The following TPTE2 variants were observed in gnomAD, a reference collection of about 807,000 sequenced individuals.
TPTE2 encodes the protein transmembrane phosphoinositide 3-phosphatase and tensin homolog 2.
Under a neutral mutation model 78.6 loss-of-function variants are expected in TPTE2, and 53 were observed. That is an observed-to-expected ratio of 0.67 (90% CI 0.54 to 0.85). TPTE2 has a LOEUF of 0.85. TPTE2 is among the 40% of genes least tolerant of loss of function. The pLI, the probability that TPTE2 is intolerant of heterozygous loss-of-function variation, is 0.00. For synonymous variants in TPTE2, 175 were observed against 206.2 expected (o/e 0.85, Z 1.30); for missense variants, 461 against 623.0 (o/e 0.74, Z 2.77).
At chr13:19,525,635 T>C (rs1870450951) in intron 1 of TPTE2, among the ~76,000 whole-genome samples, 3 of 152,256 alleles carry the variant, frequency 2.0e-5, no homozygotes, top group South Asian at 4.1e-4. Flanking sequence ...CATAGGACCT[T>C]ATGAAGATTT....
At chr13:19,442,670 T>C (rs949486063) in intron 13 of TPTE2, among the ~76,000 whole-genome samples, 1 of 151,942 alleles carries the variant, frequency 6.6e-6, no homozygotes, top group African/African-American at 2.4e-5. Context: ...CTGGTGAGAC[T>C]AATCAAAAGA....
At chr13:19,560,882 C>T in the TPTE2 span, 6 of 1,572,020 alleles carry the variant, frequency 3.8e-6, no homozygotes, top group African/African-American at 4.1e-5. Flanking sequence ...CTTGCGTCTC[C>T]GCTTGGTGAT....
At chr13:19,482,251 T>C (rs1382523178) in intron 4 of TPTE2, among the ~76,000 whole-genome samples, 1 of 152,116 alleles carries the variant, frequency 6.6e-6, no homozygotes, top group Non-Finnish European at 1.5e-5. Flanking sequence ...CCTCTAAGAA[T>C]ACTTTTTACA....
At chr13:19,516,809 C>T (rs548052577) in intron 1 of TPTE2, among the ~76,000 whole-genome samples, 27 of 152,174 alleles carry the variant, frequency 1.8e-4, no homozygotes, top group Admixed American at 5.2e-4. Flanking sequence ...CCTAAAATGT[C>T]GTATTTTTAA....
At chr13:19,435,791 C>T (rs183853858) in intron 15 of TPTE2, among the ~76,000 whole-genome samples, 178 of 150,996 alleles carry the variant, frequency 1.2e-3, no homozygotes, top group Admixed American at 2.5e-3. Context: ...CACACACACA[C>T]ACCAGGAGTC....
chr13:19,560,800 A>G, the TPTE2 span: 1 of 1,483,086 alleles, frequency 6.7e-7, no homozygotes, highest in Non-Finnish European at 9.2e-7. Context: ...CACCGCTTGT[A>G]CTCCCGCCCA....
chr13:19,543,651 T>C, the TPTE2 span, among the ~76,000 whole-genome samples: 121,624 of 152,116 alleles, frequency 0.8, 49,808 homozygotes, highest in East Asian at 0.96. Context: ...CCACCACGCC[T>C]GGCCACTAAT....
chr13:19,446,450 T>C (rs1877841424), intron 13 of TPTE2, among the ~76,000 whole-genome samples: 1 of 152,088 alleles, frequency 6.6e-6, no homozygotes, highest in Admixed American at 6.6e-5. Context: ...CAATTGGCTA[T>C]CTATATGAAA....
At chr13:19,492,942 C>G in intron 2 of TPTE2, 39 bp from the exon 6 acceptor site, 3 of 1,608,790 alleles carry the variant, frequency 1.9e-6, no homozygotes, top group African/African-American at 2.8e-5. Flanking sequence ...ATAGGAGACA[C>G]GATTCTAAAT....
At chr13:19,474,674 A>G (rs1758923271) in intron 5 of TPTE2, among the ~76,000 whole-genome samples, 1 of 152,238 alleles carries the variant, frequency 6.6e-6, no homozygotes. Context: ...TTGCTGTTAC[A>G]TATTCCAAAT....
chr13:19,474,518 A>G (rs562922865), intron 5 of TPTE2, among the ~76,000 whole-genome samples: 1 of 152,340 alleles, frequency 6.6e-6, no homozygotes, highest in African/African-American at 2.4e-5. Context: ...ATAAAAACCA[A>G]ATGAAAGCAT....
At chr13:19,449,266 C>A (rs1165858509) in intron 13 of TPTE2, among the ~76,000 whole-genome samples, 1 of 152,100 alleles carries the variant, frequency 6.6e-6, no homozygotes, top group African/African-American at 2.4e-5. Flanking sequence ...CTCTGCCTCC[C>A]AGGTTCAAGC....
Position 19,445,835 on chromosome 13 carries a change from G to A in TPTE2, c.973+4241C>T, listed in dbSNP as rs573415026. On this transcript the variant is annotated intron_variant, in intron 13 of 19. Coordinates refer to ENST00000400230, the Ensembl canonical transcript of TPTE2. The stretch of plus-strand genomic sequence containing the variant: ...GGACGCCTGTAATCCCAGTTACTCC[G>A]GAGGCTCAGACATGAGAATTGCTTG... Among the ~76,000 whole-genome samples the A allele has an allele frequency of 4.6e-5, 7 of 152,290 alleles. No homozygotes were observed. The South Asian group carries it at 1.2e-3, about 27-fold the overall frequency.
intron 1 of TPTE2, among the ~76,000 whole-genome samples, chr13:19,495,850 T>C (rs559441972): frequency 7.9e-5 from 12 of 152,272 alleles, no homozygotes; most frequent in African/African-American, 2.6e-4. Flanking sequence ...GTTTTGTTTT[T>C]TTTGTTGTTG....
chr13:19,438,580 TA>T (rs1877276240), intron 13 of TPTE2: 1 of 255,938 alleles, frequency 3.9e-6, no homozygotes, highest in Admixed American at 6.5e-5. Flanking sequence ...AATGTAGATT[TA>T]AAAATATACA....
At chr13:19,473,833 A>G (rs987453912) in intron 6 of TPTE2, 81 bp downstream of exon 9, 3 of 1,244,308 alleles carry the variant, frequency 2.4e-6, no homozygotes, top group African/African-American at 1.6e-5. Context: ...TGACCTTGGG[A>G]TCCTCCCACC....
chr13:19,492,925 C>T (rs1414838864), intron 2 of TPTE2, 22 bp from the exon 6 acceptor site: 4 of 1,613,766 alleles, frequency 2.5e-6, no homozygotes, highest in East Asian at 4.5e-5. Flanking sequence ...TAAAAGAATA[C>T]AGTCAGATAG....
upstream of TPTE2, among the ~76,000 whole-genome samples, chr13:19,507,092 C>T (rs1300933989): frequency 6.6e-6 from 1 of 152,068 alleles, no homozygotes; most frequent in Non-Finnish European, 1.5e-5. Flanking sequence ...CATACACACA[C>T]ACAACACCTT....
intron 1 of TPTE2, among the ~76,000 whole-genome samples, chr13:19,523,134 T>C (rs370252270): frequency 3.0e-4 from 46 of 152,292 alleles, no homozygotes; most frequent in African/African-American, 1.1e-3. Flanking sequence ...TCTCTGGGAA[T>C]AAGGCTTTGA....
Sources: gnomAD v4.1 joint callset for allele counts (sites outside exome capture counted in the v4.1 genomes callset) on GRCh38, gnomAD v4.1.1 for gene constraint, MANE v1.5 for transcripts, NCBI Gene and HGNC (gene_info 2026-07-23, HGNC 2026-07-21) for gene names.